UGT2B28: variants seen among roughly 807,000 people sequenced by gnomAD.
UGT2B28 encodes the protein UDP-glucuronosyltransferase 2B28.
A neutral mutation model predicts 43.6 loss-of-function variants in UGT2B28; 45 were observed. That is an observed-to-expected ratio of 1.03 (90% CI 0.81 to 1.32). The LOEUF (loss-of-function observed/expected upper bound fraction) is 1.32, where lower values mean the gene tolerates loss of function less well. Among genes scored for constraint, UGT2B28 ranks in the 40% most tolerant of loss-of-function variants. UGT2B28 has a pLI of 0.00. For missense variants in UGT2B28, 649 were observed against 625.5 expected, an observed-to-expected ratio of 1.04 and a Z score of -0.40; for synonymous variants, 204 against 208.1, an observed-to-expected ratio of 0.98 and a Z score of 0.17.
intron 5 of UGT2B28, among the ~76,000 whole-genome samples, chr4:69,293,895 G>C (rs957659596): frequency 7.1e-6 from 1 of 140,540 alleles, no homozygotes; most frequent in Non-Finnish European, 1.5e-5. Flanking sequence ...TCTGGCTACA[G>C]GGTGGGAAAC....
At chr4:69,286,925 A>G (rs1344925125) in intron 3 of UGT2B28, 42 bp downstream of exon 3, 8 of 1,260,202 alleles carry the variant, frequency 6.3e-6, no homozygotes, top group Non-Finnish European at 7.0e-6. Context: ...CTACTGAAAG[A>G]GGCTGTTAAA....
In UGT2B28 at chr4:69,280,531, C is replaced by T. The variant is rs550980002; in HGVS notation, c.31C>T (p.Leu11=). The change falls in exon 1 of 6, where the codon CTG becomes TTG. Residue 11 remains leucine, a synonymous_variant. Transcript: ENST00000335568. MALKWTSVLL[L]IHLGCYFSSG... ...TCTGAAGTGGACTTCAGTTCTTCTG[C>T]TGATACATCTCGGTTGTTACTTTAG... 4.5e-6 allele frequency: 7 copies of T among 1,557,948 alleles called. 1 individual carries two copies. In the East Asian group the frequency reaches 6.9e-5, roughly 15 times the overall value.
chr4:69,294,660 C>G lies in UGT2B28; in HGVS notation c.1441C>G (p.Arg481Gly). The G allele has an allele frequency of 6.4e-7, 1 of 1,560,106 alleles. No individual in the cohort carries two copies. Among genetic ancestry groups the G allele is most frequent in the Non-Finnish European group, 8.7e-7 (1 of 1,155,432 alleles). Residue 481 changes from arginine (R) to glycine (G), a missense_variant, in exon 6 of 6, where the codon CGT (arginine) becomes GGT (glycine). Coordinates refer to ENST00000335568, the MANE Select transcript of UGT2B28 (RefSeq NM_053039.2). ...KGAKHLRVAARDLTWFQYHSL... is the reference protein window; with the variant it reads ...KGAKHLRVAAGDLTWFQYHSL... ...AGCCAAACACCTTCGAGTTGCAGCC[C>G]GTGACCTCACCTGGTTCCAGTACCA... is the stretch of plus-strand genomic sequence containing the variant.
chr4:69,283,025 G>A (rs1345002225), intron 2 of UGT2B28, among the ~76,000 whole-genome samples: 1 of 140,328 alleles, frequency 7.1e-6, no homozygotes, highest in Admixed American at 7.2e-5. Flanking sequence ...GTTTCCGTCT[G>A]CACATACCTT....
chr4:69,293,026 A>G (rs1723997544), intron 5 of UGT2B28, among the ~76,000 whole-genome samples: 1 of 140,752 alleles, frequency 7.1e-6, no homozygotes, highest in African/African-American at 2.8e-5. Flanking sequence ...AATTATCAAC[A>G]GTGTTCAAAA....
intron 4 of UGT2B28, among the ~76,000 whole-genome samples, chr4:69,290,113 A>G (rs1723908890): frequency 7.2e-6 from 1 of 139,692 alleles, no homozygotes. Flanking sequence ...TAGCTCTTCT[A>G]TCACCAGTGA....
At position 69,283,249 on chromosome 4, in the gene UGT2B28, C is replaced by T. The variant is rs1260339144; in HGVS notation, c.870+587C>T. Among the ~76,000 whole-genome samples the T allele has an allele frequency of 1.4e-5, 2 of 138,236 alleles. 1 individual carries two copies. The highest frequency in any genetic ancestry group is 3.1e-5 in the Non-Finnish European group (2 of 65,114). The allele number at this position is 138,236 out of a possible 152,430, so 90.7% of individuals were successfully genotyped here. ...AAAAAGGGAAAGCAGATAAAGTGGT[C>T]AGGACAGTTCTCAAGTCCTCAGGTT... On this transcript the variant is annotated intron_variant, in intron 2 of 5. Coordinates refer to ENST00000335568, the MANE Select transcript of UGT2B28 (RefSeq NM_053039.2).
rs181960399 is a variant in UGT2B28 at position 69,293,132 on chromosome 4, A to G, written c.1311-1398A>G. 4.3e-3 allele frequency among the ~76,000 whole-genome samples: 601 copies of G among 140,908 alleles called. 87 individuals carry two copies. Among genetic ancestry groups the G allele is most frequent in the Admixed American group, 5.3e-3 (75 of 14,032 alleles). 92.4% of individuals were successfully genotyped at this position (140,908 alleles called of 152,430 possible). A position where few individuals can be genotyped will look rare whatever the true frequency, so the allele number is the denominator to read the frequency against. On this transcript the variant is annotated intron_variant, in intron 5 of 5. Transcript: ENST00000335568. ...TACTACATAGCAATGGAATTACCCAAGAACTGCTACATTAAAGAAAAAGAC... is the reference window on the plus strand; with the variant it reads ...TACTACATAGCAATGGAATTACCCAGGAACTGCTACATTAAAGAAAAAGAC...
At chr4:69,294,503 G>A in intron 5 of UGT2B28, 27 bp from the exon 6 acceptor site, 1 of 1,510,526 alleles carries the variant, frequency 6.6e-7, no homozygotes, top group Non-Finnish European at 8.8e-7. Flanking sequence ...TACTTTCAGT[G>A]TTGGTATCTT....
intron 5 of UGT2B28, 39 bp downstream of exon 5, chr4:69,290,850 G>C: frequency 6.5e-7 from 1 of 1,535,576 alleles, no homozygotes; most frequent in Non-Finnish European, 8.8e-7. Flanking sequence ...GGTATTTGTA[G>C]ATAGCTTCTC....
rs757144089 is a variant in UGT2B28 at position 69,280,842 on chromosome 4, A to T, written c.342A>T (p.Glu114Asp). 73 of 1,562,028 alleles carry T rather than the reference A, an allele frequency of 4.7e-5. 8 individuals carry two copies. Among genetic ancestry groups the T allele is most frequent in the Non-Finnish European group, 6.0e-5 (69 of 1,156,238 alleles). The change falls in exon 1 of 6, where the codon GAA becomes GAT. Residue 114 changes from glutamate to aspartate, a missense_variant. Physicochemically the swap from Glu to Asp is conservative, Grantham distance 45 (BLOSUM62 2). Coordinates refer to ENST00000335568, the MANE Select transcript of UGT2B28 (RefSeq NM_053039.2). ...SFWLYFSQEQEILWEFHDIFR... is the reference protein window; with the variant it reads ...SFWLYFSQEQDILWEFHDIFR... ...GGTTATATTTTTCACAAGAACAAGAAATCCTGTGGGAATTTCATGACATAT... is the reference window on the plus strand; with the variant it reads ...GGTTATATTTTTCACAAGAACAAGATATCCTGTGGGAATTTCATGACATAT...
intron 2 of UGT2B28, among the ~76,000 whole-genome samples, chr4:69,285,238 A>G (rs2109687087): frequency 7.1e-6 from 1 of 140,794 alleles, no homozygotes; most frequent in Non-Finnish European, 1.5e-5. Flanking sequence ...ATAATAAAAA[A>G]ATACATATTT....
At position 69,280,886 on chromosome 4, in the gene UGT2B28, A is replaced by G; in HGVS notation, c.386A>G (p.Asp129Gly). The G allele has an allele frequency of 6.4e-7, 1 of 1,557,944 alleles. No individual in the cohort carries two copies. The highest frequency in any genetic ancestry group is 1.5e-5 in the African/African-American group (1 of 66,100). ...GACATATTTAGAAACTTCTGTAAAG[A>G]TGTAGTTTCAAATAAGAAAGTTATG... ...FHDIFRNFCK[D>G]VVSNKKVMKK... The change falls in exon 1 of 6, where the codon GAT becomes GGT. Residue 129 changes from aspartate (D) to glycine (G), a missense_variant. Asp to Gly is a moderately conservative substitution (Grantham distance 94). Transcript: ENST00000335568.
Position 69,281,939 on chromosome 4 carries a change from T to A in UGT2B28, c.722-575T>A, listed in dbSNP as rs865814115. Among the ~76,000 whole-genome samples the A allele has an allele frequency of 1.4e-5, 2 of 140,404 alleles. 1 individual carries two copies. Among genetic ancestry groups the A allele is most frequent in the African/African-American group, 5.5e-5 (2 of 36,048 alleles). The allele number at this position is 140,404 out of a possible 152,430, so 92.1% of individuals were successfully genotyped here. Reference sequence around the variant, plus strand: ...TCTATTTCAATAATTTCTCAAAAATTTCTAGCTATAATTTACAAATATATT... The same window carrying A: ...TCTATTTCAATAATTTCTCAAAAATATCTAGCTATAATTTACAAATATATT... On this transcript the variant is annotated intron_variant, in intron 1 of 5. Coordinates refer to ENST00000335568, the MANE Select transcript of UGT2B28 (RefSeq NM_053039.2).
Position 69,283,364 on chromosome 4 carries a change from A to C in UGT2B28, c.870+702A>C, listed in dbSNP as rs541535377. 2.8e-4 allele frequency among the ~76,000 whole-genome samples: 39 copies of C among 140,206 alleles called. 6 individuals carry two copies. The highest frequency in any genetic ancestry group is 1.1e-3 in the African/African-American group (38 of 36,064). The allele number at this position is 140,206 out of a possible 152,430, so 92.0% of individuals were successfully genotyped here. A position where few individuals can be genotyped will look rare whatever the true frequency, so the allele number is the denominator to read the frequency against. On this transcript the variant is annotated intron_variant, in intron 2 of 5. Coordinates refer to ENST00000335568, the MANE Select transcript of UGT2B28 (RefSeq NM_053039.2). Reference sequence around the variant, plus strand: ...TTAGGAGTGGAAATATTTATTAAGAACATTGAAAAACTACTAAAAAGAGTT... The same window carrying C: ...TTAGGAGTGGAAATATTTATTAAGACCATTGAAAAACTACTAAAAAGAGTT...
At position 69,281,167 on chromosome 4, in the gene UGT2B28, T is replaced by G. The variant is rs747723755; in HGVS notation, c.667T>G (p.Trp223Gly). The G allele has an allele frequency of 1.3e-6, 2 of 1,548,188 alleles. No individual in the cohort carries two copies. Among genetic ancestry groups the G allele is most frequent in the Non-Finnish European group, 1.7e-6 (2 of 1,151,414 alleles). Residue 223 changes from tryptophan to glycine, a missense_variant, in exon 1 of 6, where the codon TGG becomes GGG. By Grantham distance (184) the Trp-to-Gly change is radical. Coordinates refer to ENST00000335568, the MANE Select transcript of UGT2B28 (RefSeq NM_053039.2). ...GATCTATGTGCTTTATTTTGACTTT[T>G]GGTTCCAAATGTGTGATATGAAGAA... The part of the protein sequence containing the change: ...NMIYVLYFDF[W>G]FQMCDMKKWD...
intron 1 of UGT2B28, 140 bp from the exon 2 acceptor site, chr4:69,282,374 T>C: frequency 5.4e-6 from 4 of 739,690 alleles, no homozygotes; most frequent in Non-Finnish European, 7.4e-6. Flanking sequence ...ATTATTCATA[T>C]ACATGAATAT....
At chr4:69,289,574 C>G in intron 3 of UGT2B28, 91 bp from the exon 4 acceptor site, 2 of 1,183,480 alleles carry the variant, frequency 1.7e-6, no homozygotes, top group Non-Finnish European at 2.3e-6. Flanking sequence ...ACTAACATCC[C>G]TTGATCTCAT....
intron 3 of UGT2B28, among the ~76,000 whole-genome samples, chr4:69,288,151 CA>C (rs33966513): frequency 0.73 from 90,133 of 124,106 alleles, 35,752 homozygotes; most frequent in Non-Finnish European, 0.79. Flanking sequence ...ATTTCTAGGC[CA>C]AAAAAAAAAA....
Sources: gnomAD v4.1 joint callset for allele counts (sites outside exome capture counted in the v4.1 genomes callset) on GRCh38, gnomAD v4.1.1 for gene constraint, MANE v1.5 for transcripts, NCBI Gene and HGNC (gene_info 2026-07-23, HGNC 2026-07-21) for gene names.